The following NR3C1 variants were observed in gnomAD, a reference collection of about 807,000 sequenced individuals.
NR3C1 encodes the protein nuclear receptor subfamily 3 group C member 1, also known as glucocorticoid receptor.
A neutral mutation model predicts 74.0 loss-of-function variants in NR3C1; 14 were observed. The ratio of observed to expected loss-of-function variants is 0.19; its 90% confidence interval spans 0.12 to 0.30. The LOEUF is 0.30. Ranked by LOEUF, NR3C1 falls within the 10% of genes least tolerant of loss-of-function variation. The pLI is 1.00. For missense variants in NR3C1, 695 were observed against 909.8 expected (o/e 0.76, Z 3.04); for synonymous variants, 308 against 332.5 (o/e 0.93, Z 0.80).
Position 143,400,826 on chromosome 5 carries a change from T to G in NR3C1, c.14A>C (p.Glu5Ala). 1 of 1,613,802 alleles carries G rather than the reference T, an allele frequency of 6.2e-7. No individual in the cohort carries two copies. Among genetic ancestry groups the G allele is most frequent in the Non-Finnish European group, 8.5e-7 (1 of 1,180,024 alleles). MDSK[E>A]SLTPGREENP... ...TTCTTCTCTACCAGGAGTTAATGAT[T>G]CTTTGGAGTCCATCAGTGAATATCA... Residue 5 changes from glutamate (E) to alanine (A), a missense_variant, in exon 2 of 9, where the codon GAA becomes GCA. Glu to Ala is a moderately radical substitution (Grantham distance 107). Around this residue, in one of 4 missense-constraint regions of NR3C1, gnomAD observed 497 missense variants for 489.5 expected, o/e 1.02. Coordinates refer to ENST00000394464, the MANE Select transcript of NR3C1 (RefSeq NM_000176.3).
At chr5:143,357,434 G>GA (rs1469930549) in intron 2 of NR3C1, among the ~76,000 whole-genome samples, 1 of 152,084 alleles carries the variant, frequency 6.6e-6, no homozygotes, top group Non-Finnish European at 1.5e-5. Context: ...TGAAATTGGA[G>GA]AAAATCAAAA....
Position 143,279,227 on chromosome 5 carries a change from T to G in NR3C1, c.*2662A>C. The G allele has an allele frequency of 2.1e-6, 2 of 974,000 alleles. No homozygotes were observed. The highest frequency in any genetic ancestry group is 3.0e-6 in the Non-Finnish European group (2 of 676,724). The allele number at this position is 974,000 out of a possible 1,614,324, so 60.3% of individuals were successfully genotyped here. Reference sequence around the variant, plus strand: ...CCACGTATCCTAAAAGGGCACAGCTTCTTTTCCCATTTAATGAAAAGCCTC... The same window carrying G: ...CCACGTATCCTAAAAGGGCACAGCTGCTTTTCCCATTTAATGAAAAGCCTC... On this transcript the variant is annotated 3_prime_UTR_variant, in exon 9 of 9. Transcript: ENST00000394464.
At chr5:143,384,261 G>C (rs1427090404) in intron 2 of NR3C1, among the ~76,000 whole-genome samples, 1 of 152,116 alleles carries the variant, frequency 6.6e-6, no homozygotes, top group Non-Finnish European at 1.5e-5. Flanking sequence ...GACATGTGGG[G>C]ATTACAAGTG....
In NR3C1 at chr5:143,400,353, C is replaced by G. The variant is rs186831584; in HGVS notation, c.487G>C (p.Val163Leu). ...TTCAAATGTTGCTGTTCTGAAGATA[C>G]ATCAGAGTGAGTTTTTGGAAACTCC... ...EKEFPKTHSD[V>L]SSEQQHLKGQ... The change falls in exon 2 of 9, where the codon GTA (valine) becomes CTA (leucine). Residue 163 changes from valine to leucine, a missense_variant. By Grantham distance (32) the Val-to-Leu change is conservative. Transcript: ENST00000394464. The G allele has an allele frequency of 6.2e-7, 1 of 1,614,034 alleles. No individual in the cohort carries two copies. The highest frequency in any genetic ancestry group is 8.5e-7 in the Non-Finnish European group (1 of 1,180,020).
In NR3C1 at chr5:143,347,412, C is replaced by T. The variant is rs79674580; in HGVS notation, c.1185-33244G>A. ...TTAACCCAGTGCTGCTATTTCTAGGCCTCAACTCTAATGTTAGTTATTTTT... is the reference window on the plus strand; with the variant it reads ...TTAACCCAGTGCTGCTATTTCTAGGTCTCAACTCTAATGTTAGTTATTTTT... On this transcript the variant is annotated intron_variant, in intron 2 of 8. Coordinates refer to ENST00000394464, the MANE Select transcript of NR3C1 (RefSeq NM_000176.3). 1.6e-3 allele frequency among the ~76,000 whole-genome samples: 246 copies of T among 152,240 alleles called. 4 individuals carry two copies. In the East Asian group the frequency reaches 0.038, roughly 23 times the overall value.
chr5:143,412,123 G>A (rs780559600), intron 1 of NR3C1, among the ~76,000 whole-genome samples: 4 of 152,072 alleles, frequency 2.6e-5, no homozygotes, highest in Non-Finnish European at 4.4e-5. Flanking sequence ...AGAAAGCTGT[G>A]CCAGAGAAAA....
upstream of NR3C1, among the ~76,000 whole-genome samples, chr5:143,406,297 T>C (rs1841105021): frequency 2.0e-5 from 3 of 152,024 alleles, no homozygotes; most frequent in South Asian, 6.2e-4. Context: ...AAATAATTTA[T>C]GATTTCACAA....
chr5:143,376,623 A>G (rs1308182168), intron 2 of NR3C1, among the ~76,000 whole-genome samples: 2 of 152,176 alleles, frequency 1.3e-5, no homozygotes, highest in South Asian at 2.1e-4. Context: ...ATTTATTGGC[A>G]TATTTGTTGT....
chr5:143,402,165 C>T (rs542066524), intron 1 of NR3C1, among the ~76,000 whole-genome samples: 1 of 152,312 alleles, frequency 6.6e-6, no homozygotes, highest in East Asian at 1.9e-4. Context: ...CCCCGTTTAT[C>T]TGAGGCGATA....
At chr5:143,422,272 C>T (rs553203500) in intron 1 of NR3C1, among the ~76,000 whole-genome samples, 1 of 152,298 alleles carries the variant, frequency 6.6e-6, no homozygotes, top group African/African-American at 2.4e-5. Flanking sequence ...TCCCAACGAT[C>T]ATCCCAAGTA....
intron 2 of NR3C1, among the ~76,000 whole-genome samples, chr5:143,350,104 T>C (rs1390533938): frequency 1.3e-5 from 2 of 152,048 alleles, no homozygotes; most frequent in East Asian, 1.9e-4. Context: ...CACCAAATCA[T>C]AAAAGACCCT....
In NR3C1 at chr5:143,281,776, G is replaced by A. The variant is rs1813149590; in HGVS notation, c.*113C>T. ...AGTGCGTATTTAAAACAAAACAACAGATGAAAACAATAAAAAATAAAACAA... is the reference window on the plus strand; with the variant it reads ...AGTGCGTATTTAAAACAAAACAACAAATGAAAACAATAAAAAATAAAACAA... On this transcript the variant is annotated 3_prime_UTR_variant, in exon 9 of 9. Coordinates refer to ENST00000394464, the MANE Select transcript of NR3C1 (RefSeq NM_000176.3). 5.8e-6 allele frequency: 7 copies of A among 1,206,620 alleles called. No individual in the cohort carries two copies. The highest frequency in any genetic ancestry group is 8.3e-6 in the Non-Finnish European group (7 of 838,444). The allele number at this position is 1,206,620 out of a possible 1,614,324, so 74.7% of individuals were successfully genotyped here. A position where few individuals can be genotyped will look rare whatever the true frequency, so the allele number is the denominator to read the frequency against.
chr5:143,404,481 T>C (rs1426787096), upstream of NR3C1: 2 of 984,256 alleles, frequency 2.0e-6, no homozygotes, highest in African/African-American at 3.5e-5. Context: ...GGGAGAGAAG[T>C]TGCAAAGCAG....
At chr5:143,304,297 T>C (rs1819111747) in intron 4 of NR3C1, among the ~76,000 whole-genome samples, 1 of 152,086 alleles carries the variant, frequency 6.6e-6, no homozygotes, top group Non-Finnish European at 1.5e-5. Flanking sequence ...AAATCAAGAA[T>C]GCAATCCCAT....
chr5:143,339,959 T>G (rs1827880316), intron 2 of NR3C1, among the ~76,000 whole-genome samples: 1 of 152,100 alleles, frequency 6.6e-6, no homozygotes, highest in South Asian at 2.1e-4. Context: ...CAATGAAAAT[T>G]CAAGAGAAAG....
intron 3 of NR3C1, among the ~76,000 whole-genome samples, chr5:143,312,909 T>G (rs990098172): frequency 3.3e-5 from 5 of 152,206 alleles, no homozygotes; most frequent in Admixed American, 6.5e-5. Context: ...CTTTTGACTC[T>G]AATCAATAGG....
upstream of NR3C1, chr5:143,404,451 C>G: frequency 1.0e-6 from 1 of 985,286 alleles, no homozygotes; most frequent in Non-Finnish European, 1.2e-6. Flanking sequence ...CTTCAGCTGC[C>G]GCCGCCGCGC....
At chr5:143,416,631 T>G (rs1841485133) in intron 1 of NR3C1, among the ~76,000 whole-genome samples, 7 of 152,078 alleles carry the variant, frequency 4.6e-5, no homozygotes. Context: ...TAGCTAACAC[T>G]TGCATCAGAA....
At chr5:143,400,928 T>A in intron 1 of NR3C1, 76 bp from the exon 2 acceptor site, 1 of 1,098,806 alleles carries the variant, frequency 9.1e-7, no homozygotes, top group Non-Finnish European at 1.3e-6. Flanking sequence ...ATCCGATTAG[T>A]AAGAGGCAGC....
Sources: allele counts gnomAD v4.1 joint callset (sites outside exome capture counted in the v4.1 genomes callset), GRCh38; gene constraint gnomAD v4.1.1; regional missense constraint gnomAD v4.1.1; transcripts MANE v1.5; gene names NCBI Gene and HGNC (gene_info 2026-07-23, HGNC 2026-07-21).